Variants in VWC2 observed in about 807,000 individuals in gnomAD.
VWC2 encodes the protein von Willebrand factor C domain containing 2.
Under a neutral mutation model 29.8 loss-of-function variants are expected in VWC2, and 14 were observed. That is an observed-to-expected ratio of 0.47 (90% CI 0.31 to 0.74). The LOEUF (loss-of-function observed/expected upper bound fraction) is 0.74. VWC2 is among the 30% of genes least tolerant of loss of function. VWC2 has a pLI of 0.05. For synonymous variants in VWC2, 213 were observed against 199.0 expected, an observed-to-expected ratio of 1.07 and a Z score of -0.59; for missense variants, 457 against 459.8, an observed-to-expected ratio of 0.99 and a Z score of 0.05.
chr7:49,830,410 A>C (rs1374543114), intron 3 of VWC2, among the ~76,000 whole-genome samples: 1 of 152,060 alleles, frequency 6.6e-6, no homozygotes, highest in African/African-American at 2.4e-5. Context: ...CTGGGATTTG[A>C]TTTCAAAATT....
intron 2 of VWC2, among the ~76,000 whole-genome samples, chr7:49,795,893 A>C (rs1788577534): frequency 6.6e-6 from 1 of 152,200 alleles, no homozygotes; most frequent in African/African-American, 2.4e-5. Context: ...ATAGGGGTTA[A>C]GAACCTCAGT....
chr7:49,847,681 C>A (rs889211247), intron 3 of VWC2, among the ~76,000 whole-genome samples: 1 of 152,168 alleles, frequency 6.6e-6, no homozygotes, highest in Admixed American at 6.5e-5. Context: ...TGAGCAAAAG[C>A]CCTCATGGTG....
chr7:49,797,871 T>A (rs1386136616), intron 2 of VWC2, among the ~76,000 whole-genome samples: 1 of 152,196 alleles, frequency 6.6e-6, no homozygotes, highest in Non-Finnish European at 1.5e-5. Context: ...ACATCTAAAT[T>A]CTATCCATGC....
At chr7:49,893,399 C>T (rs553834901) in intron 3 of VWC2, among the ~76,000 whole-genome samples, 15 of 152,234 alleles carry the variant, frequency 9.9e-5, no homozygotes, top group African/African-American at 2.4e-4. Context: ...AGCTGGCAGG[C>T]GTTTTCTTTT....
chr7:49,900,407 C>T (rs901192205), intron 3 of VWC2, among the ~76,000 whole-genome samples: 1 of 151,508 alleles, frequency 6.6e-6, no homozygotes, highest in African/African-American at 2.4e-5. Flanking sequence ...AATAAAAGTT[C>T]TAAGTATCTC....
intron 3 of VWC2, among the ~76,000 whole-genome samples, chr7:49,897,201 A>ATAAT (rs1792433154): frequency 6.6e-6 from 1 of 152,200 alleles, no homozygotes; most frequent in Non-Finnish European, 1.5e-5. Context: ...GGCCGGATTG[A>ATAAT]TAATTTTTTA....
chr7:49,865,052 A>G (rs1583705601), intron 3 of VWC2, among the ~76,000 whole-genome samples: 1 of 152,164 alleles, frequency 6.6e-6, no homozygotes, highest in East Asian at 1.9e-4. Context: ...TAAAGATCTT[A>G]TTTTTTGTAA....
At chr7:49,805,888 A>T (rs1003466467) in intron 3 of VWC2, among the ~76,000 whole-genome samples, 1 of 152,220 alleles carries the variant, frequency 6.6e-6, no homozygotes, top group Non-Finnish European at 1.5e-5. Flanking sequence ...TCTCCGACAG[A>T]AGGAAAATTA....
At chr7:49,900,730 T>C (rs1357472351) in intron 3 of VWC2, among the ~76,000 whole-genome samples, 1 of 151,704 alleles carries the variant, frequency 6.6e-6, no homozygotes, top group Non-Finnish European at 1.5e-5. Flanking sequence ...TACCAAACAT[T>C]TAAGGAAGAA....
chr7:49,813,786 ACTCT>A (rs1242415057), intron 3 of VWC2, among the ~76,000 whole-genome samples: 3 of 152,116 alleles, frequency 2.0e-5, no homozygotes, highest in Non-Finnish European at 4.4e-5. Context: ...ACAAAAATAC[ACTCT>A]CTATCATCAT....
intron 3 of VWC2, among the ~76,000 whole-genome samples, chr7:49,852,800 G>A (rs980167279): frequency 2.6e-5 from 4 of 152,164 alleles, no homozygotes; most frequent in African/African-American, 9.7e-5. Context: ...TCCCAGATGT[G>A]AGGAACATTT....
intron 2 of VWC2, among the ~76,000 whole-genome samples, chr7:49,782,970 T>TTTA (rs2128701876): frequency 6.6e-6 from 1 of 152,276 alleles, no homozygotes; most frequent in South Asian, 2.1e-4. Flanking sequence ...CTGAACAAAG[T>TTTA]TCATGTGGAT....
rs1345327711 is a variant in VWC2, at chr7:49,912,119, T to C, written c.912T>C (p.Tyr304=). The C allele has an allele frequency of 3.1e-6, 5 of 1,613,974 alleles. No homozygotes were observed. Among genetic ancestry groups the C allele is most frequent in the Non-Finnish European group, 4.2e-6 (5 of 1,180,020 alleles). ...TDECTICHCT[Y]EEGTWRIERQ... is the part of the protein sequence containing the mutation. ...AGTGCACCATATGCCACTGTACTTA[T>C]GAGGAAGGCACATGGAGAATCGAGC... Residue 304 remains tyrosine (Y), a synonymous_variant, in exon 4 of 4, where the codon TAT becomes TAC. Transcript: ENST00000340652.
intron 3 of VWC2, among the ~76,000 whole-genome samples, chr7:49,879,411 A>G (rs1013689804): frequency 3.9e-5 from 6 of 152,176 alleles, no homozygotes; most frequent in African/African-American, 1.4e-4. Context: ...AGATGCCATT[A>G]TCTTATCCGG....
At chr7:49,849,051 T>C (rs756371459) in intron 3 of VWC2, among the ~76,000 whole-genome samples, 1 of 152,232 alleles carries the variant, frequency 6.6e-6, no homozygotes, top group African/African-American at 2.4e-5. Context: ...GCTTCATGTA[T>C]GACAAATGTG....
chr7:49,874,256 C>A (rs1282659828), intron 3 of VWC2, among the ~76,000 whole-genome samples: 1 of 152,172 alleles, frequency 6.6e-6, no homozygotes, highest in Non-Finnish European at 1.5e-5. Flanking sequence ...GGATGGTGGT[C>A]CCATAGAATT....
At chr7:49,878,419 G>T (rs1385990359) in intron 3 of VWC2, among the ~76,000 whole-genome samples, 1 of 152,020 alleles carries the variant, frequency 6.6e-6, no homozygotes, top group Admixed American at 6.6e-5. Flanking sequence ...AATTTTCTCA[G>T]TACTTGTTTA....
intron 2 of VWC2, among the ~76,000 whole-genome samples, chr7:49,794,091 A>G (rs989967747): frequency 6.6e-6 from 1 of 152,196 alleles, no homozygotes; most frequent in African/African-American, 2.4e-5. Flanking sequence ...ATAACTGAAG[A>G]CTGGAAGAGA....
intron 3 of VWC2, among the ~76,000 whole-genome samples, chr7:49,870,062 C>G (rs954983390): frequency 1.3e-5 from 2 of 152,118 alleles, no homozygotes; most frequent in Non-Finnish European, 2.9e-5. Flanking sequence ...TGGTAGAAGA[C>G]AGAAGTGTAG....
Sources: allele counts gnomAD v4.1 joint callset (sites outside exome capture counted in the v4.1 genomes callset), GRCh38; gene constraint gnomAD v4.1.1; transcripts MANE v1.5; gene names NCBI Gene and HGNC (gene_info 2026-07-23, HGNC 2026-07-21).